CCDC186: variants seen among roughly 807,000 people sequenced by gnomAD.
CCDC186 encodes coiled-coil domain containing 186.
Under a neutral mutation model 113.7 loss-of-function variants are expected in CCDC186, and 49 were observed. The ratio of observed to expected loss-of-function variants is 0.43; its 90% CI spans 0.34 to 0.55. The LOEUF (loss-of-function observed/expected upper bound fraction) is 0.55, where lower values mean the gene tolerates loss of function less well. CCDC186 is among the 20% of genes least tolerant of loss of function. The pLI is 0.02. For synonymous variants in CCDC186, 355 were observed against 345.8 expected (o/e 1.03, Z -0.30); for missense variants, 890 against 1,011.1 (o/e 0.88, Z 1.62).
Position 114,122,004 on chromosome 10 carries a change from GT to G in CCDC186, c.*3138del. 6.6e-6 allele frequency: 1 copy of G among 152,292 alleles called. No individual in the cohort carries two copies. Among genetic ancestry groups the G allele is most frequent in the Non-Finnish European group, 1.5e-5 (1 of 68,148 alleles). The allele number at this position is 152,292 out of a possible 1,614,324, so 9.4% of individuals were successfully genotyped here. The stretch of plus-strand genomic sequence containing the variant: ...TTTTTTAATCTTTTGTACACATGGG[GT>G]TTTGCCATGTTGCCCTGGCTGGTCT... On this transcript the variant is annotated 3_prime_UTR_variant, in exon 16 of 16. Transcript: ENST00000369287.
At chr10:114,166,988 T>C (rs2032352079) in intron 1 of CCDC186, among the ~76,000 whole-genome samples, 1 of 151,404 alleles carries the variant, frequency 6.6e-6, no homozygotes, top group Admixed American at 6.6e-5. Flanking sequence ...TAAATTGGCA[T>C]GTGATAACTA....
rs1156383940 is a variant in CCDC186, at chr10:114,126,090, A to G, written c.2409T>C (p.Tyr803=). 1.9e-6 allele frequency: 3 copies of G among 1,613,600 alleles called. No individual in the cohort carries two copies. Among genetic ancestry groups the G allele is most frequent in the East Asian group, 2.2e-5 (1 of 44,838 alleles). ...IRKKTKIIQS[Y]ILREESGTLS... is the part of the protein sequence containing the mutation. ...GTGTGCCTGATTCTTCTCGTAAAATATAACTTTGAATTATTCTGCAAAACA... is the reference window on the plus strand; with the variant it reads ...GTGTGCCTGATTCTTCTCGTAAAATGTAACTTTGAATTATTCTGCAAAACA... The change falls in exon 15 of 16, where the codon TAT becomes TAC. Residue 803 remains tyrosine, a synonymous_variant. Coordinates refer to ENST00000369287, the MANE Select transcript of CCDC186 (RefSeq NM_018017.4).
chr10:114,129,389 C>A (rs1376500183), intron 13 of CCDC186, among the ~76,000 whole-genome samples: 2 of 151,688 alleles, frequency 1.3e-5, no homozygotes, highest in Non-Finnish European at 2.9e-5. Flanking sequence ...ACATAGAACC[C>A]CATGACAAAT....
intron 12 of CCDC186, chr10:114,130,179 T>A: frequency 2.6e-6 from 1 of 388,172 alleles, no homozygotes; most frequent in Non-Finnish European, 4.7e-6. Flanking sequence ...GAAACAACAT[T>A]ATAACTGACA....
rs910763938 is a variant in CCDC186 at position 114,125,788 on chromosome 10, A to G, written c.2613+98T>C. 53 of 952,544 alleles carry G rather than the reference A, an allele frequency of 5.6e-5. No individual in the cohort carries two copies. The African/African-American group carries it at 6.9e-4, about 12-fold the overall frequency. 59.0% of individuals were successfully genotyped at this position (952,544 alleles called of 1,614,324 possible). A position where few individuals can be genotyped will look rare whatever the true frequency, so the allele number is the denominator to read the frequency against. ...TCTTTGGGTAAAATGACTGCCTTGC[A>G]TTACAGAAACAGCCCAGCTGATTGC... is the stretch of plus-strand genomic sequence containing the variant. On this transcript the variant is annotated intron_variant, in intron 15 of 15. Coordinates refer to ENST00000369287, the MANE Select transcript of CCDC186 (RefSeq NM_018017.4).
intron 1 of CCDC186, among the ~76,000 whole-genome samples, chr10:114,167,464 A>C (rs889589561): frequency 6.6e-6 from 1 of 152,148 alleles, no homozygotes; most frequent in African/African-American, 2.4e-5. Context: ...AATTAACCAG[A>C]AGAAAAACAG....
chr10:114,146,103 G>A (rs750510973), intron 4 of CCDC186, among the ~76,000 whole-genome samples: 7 of 152,038 alleles, frequency 4.6e-5, no homozygotes, highest in Non-Finnish European at 1.0e-4. Context: ...CTATCAATAA[G>A]CTCTCTTGCC....
At chr10:114,131,856 A>C in intron 11 of CCDC186, 73 bp downstream of exon 11, 2 of 1,311,206 alleles carry the variant, frequency 1.5e-6, no homozygotes, top group Non-Finnish European at 2.0e-6. Flanking sequence ...AACTACTATT[A>C]CTTTTATACT....
At chr10:114,154,160 G>A (rs1478246824) in intron 3 of CCDC186, among the ~76,000 whole-genome samples, 4 of 147,610 alleles carry the variant, frequency 2.7e-5, no homozygotes, top group Non-Finnish European at 4.5e-5. Context: ...GCAGTGAACC[G>A]AGATCGCAAC....
Position 114,137,042 on chromosome 10 carries a change from G to T in CCDC186, c.1326+144C>A, listed in dbSNP as rs953917116. 3 of 556,202 alleles carry T rather than the reference G, an allele frequency of 5.4e-6. No individual in the cohort carries two copies. In the Admixed American group the frequency reaches 9.6e-5, roughly 18 times the overall value. The allele number at this position is 556,202 out of a possible 1,614,324, so 34.5% of individuals were successfully genotyped here. A position where few individuals can be genotyped will look rare whatever the true frequency, so the allele number is the denominator to read the frequency against. On this transcript the variant is annotated intron_variant, in intron 7 of 15. Coordinates refer to ENST00000369287, the MANE Select transcript of CCDC186 (RefSeq NM_018017.4). ...TGGGGCAGGAGAATCGCTTGTACCC[G>T]GGAGGCAGAGGTTGCAGTGAGCCGA...
chr10:114,163,430 T>C, intron 1 of CCDC186, 101 bp from the exon 2 acceptor site: 1 of 917,902 alleles, frequency 1.1e-6, no homozygotes, highest in South Asian at 2.0e-5. Context: ...CCACAAATTT[T>C]ATCACTAACA....
chr10:114,131,480 C>G (rs941257843), intron 11 of CCDC186, 144 bp from the exon 12 acceptor site: 2 of 677,458 alleles, frequency 3.0e-6, no homozygotes, highest in African/African-American at 1.9e-5. Context: ...TTTACTTGAG[C>G]TTCTCACAGT....
At chr10:114,166,711 C>CA (rs1291424622) in intron 1 of CCDC186, among the ~76,000 whole-genome samples, 20 of 152,290 alleles carry the variant, frequency 1.3e-4, no homozygotes, top group African/African-American at 4.8e-4. Context: ...ACTGGGTTTA[C>CA]ACAGTGATCT....
chr10:114,164,102 G>GTATA (rs1554930661), intron 1 of CCDC186, among the ~76,000 whole-genome samples: 1 of 101,092 alleles, frequency 9.9e-6, no homozygotes, highest in Non-Finnish European at 1.9e-5. Context: ...GTGTGTGTGT[G>GTATA]TATATATATA....
rs577639974 is a variant in CCDC186 at position 114,130,040 on chromosome 10, T to C, written c.2102-69A>G. ...TTGCTCCTACCATCTCTGACTTTAATTGCTAAAATCACTGAGGCAAAAATG... is the reference window on the plus strand; with the variant it reads ...TTGCTCCTACCATCTCTGACTTTAACTGCTAAAATCACTGAGGCAAAAATG... On this transcript the variant is annotated intron_variant, in intron 12 of 15. Transcript: ENST00000369287. The C allele has an allele frequency of 6.2e-6, 9 of 1,449,156 alleles. No homozygotes were observed. In the African/African-American group the frequency reaches 1.3e-4, roughly 21 times the overall value. The allele number at this position is 1,449,156 out of a possible 1,614,324, so 89.8% of individuals were successfully genotyped here. A position where few individuals can be genotyped will look rare whatever the true frequency, so the allele number is the denominator to read the frequency against.
chr10:114,166,274 G>A (rs1454303764), intron 1 of CCDC186, among the ~76,000 whole-genome samples: 1 of 152,120 alleles, frequency 6.6e-6, no homozygotes, highest in African/African-American at 2.4e-5. Flanking sequence ...AGCCCAACCA[G>A]TCTAACTCAA....
At chr10:114,138,912 A>G (rs2031368725) in intron 6 of CCDC186, among the ~76,000 whole-genome samples, 1 of 152,122 alleles carries the variant, frequency 6.6e-6, no homozygotes. Flanking sequence ...GACTTTTGGT[A>G]TCATCTCCTC....
At chr10:114,126,154 A>C (rs1037924860) in intron 14 of CCDC186, 49 bp from the exon 15 acceptor site, 8 of 1,469,710 alleles carry the variant, frequency 5.4e-6, no homozygotes, top group Non-Finnish European at 7.5e-6. Flanking sequence ...GAATTAAAAA[A>C]AATGGAATCT....
Position 114,125,881 on chromosome 10 carries a change from A to G in CCDC186, c.2613+5T>C. The G allele has an allele frequency of 6.2e-7, 1 of 1,612,070 alleles. No individual in the cohort carries two copies. Among genetic ancestry groups the G allele is most frequent in the Non-Finnish European group, 8.5e-7 (1 of 1,178,276 alleles). ...GGTTGGTGTGTGAATGAGAAACACA[A>G]ATACCTTCAAAGTAATATTTTTTAG... is the stretch of plus-strand genomic sequence containing the variant. On this transcript the variant is annotated splice_donor_5th_base_variant and intron_variant, in intron 15 of 15. Transcript: ENST00000369287.
Sources: allele counts gnomAD v4.1 joint callset (sites outside exome capture counted in the v4.1 genomes callset), GRCh38; gene constraint gnomAD v4.1.1; transcripts MANE v1.5; gene names NCBI Gene and HGNC (gene_info 2026-07-23, HGNC 2026-07-21).